ROBO1: variants seen among roughly 807,000 people sequenced by gnomAD.
The protein encoded by ROBO1 is roundabout homolog 1.
A neutral mutation model predicts 195.9 loss-of-function variants in ROBO1; 149 were observed. That is an observed-to-expected ratio of 0.76 (90% CI 0.67 to 0.87). The LOEUF (loss-of-function observed/expected upper bound fraction) is 0.87, where lower values mean the gene tolerates loss of function less well. Ranked by LOEUF, ROBO1 falls within the 40% of genes least tolerant of loss-of-function variation. The pLI is 0.00. For synonymous variants in ROBO1, 816 were observed against 733.2 expected (o/e 1.11, Z -1.82); for missense variants, 1,933 against 2,068.3 (o/e 0.93, Z 1.27).
intron 2 of ROBO1, among the ~76,000 whole-genome samples, chr3:79,424,125 C>T (rs1352879474): frequency 1.3e-5 from 2 of 152,022 alleles, no homozygotes; most frequent in African/African-American, 4.8e-5. Flanking sequence ...GGTAAAGATA[C>T]GGTGCCTGAA....
chr3:79,163,920 T>C (rs749438470), intron 2 of ROBO1, among the ~76,000 whole-genome samples: 5 of 152,140 alleles, frequency 3.3e-5, no homozygotes, highest in African/African-American at 4.8e-5. Flanking sequence ...TTTTCAGATT[T>C]CCACATTTTT....
intron 2 of ROBO1, among the ~76,000 whole-genome samples, chr3:79,475,014 C>T (rs1938476678): frequency 6.6e-6 from 1 of 151,876 alleles, no homozygotes; most frequent in Non-Finnish European, 1.5e-5. Flanking sequence ...AAGGATACAT[C>T]TTATATTTGA....
At chr3:78,682,676 C>T (rs1204531770) in intron 10 of ROBO1, among the ~76,000 whole-genome samples, 1 of 145,258 alleles carries the variant, frequency 6.9e-6, no homozygotes, top group East Asian at 2.0e-4. Flanking sequence ...CGTATATATA[C>T]ACGTATATAT....
At chr3:78,603,432 A>G (rs918375026) in intron 29 of ROBO1, among the ~76,000 whole-genome samples, 1 of 152,178 alleles carries the variant, frequency 6.6e-6, no homozygotes, top group African/African-American at 2.4e-5. Flanking sequence ...ACACAAAAAT[A>G]TCTATGAATT....
At chr3:79,275,327 T>C (rs912968282) in intron 2 of ROBO1, among the ~76,000 whole-genome samples, 6 of 151,914 alleles carry the variant, frequency 3.9e-5, no homozygotes, top group Admixed American at 6.6e-5. Flanking sequence ...TGGCTTAACA[T>C]ATACAATTCA....
chr3:79,469,928 A>C (rs1938175427), intron 2 of ROBO1, among the ~76,000 whole-genome samples: 1 of 152,212 alleles, frequency 6.6e-6, no homozygotes, highest in African/African-American at 2.4e-5. Flanking sequence ...ACATCCATAT[A>C]AAGTATCCAG....
chr3:79,019,006 G>T (rs2078032718), intron 3 of ROBO1: 1 of 990,202 alleles, frequency 1.0e-6, no homozygotes, highest in Non-Finnish European at 1.2e-6. Context: ...AAGGGCTCGG[G>T]GTGCCGGGAG....
intron 4 of ROBO1, among the ~76,000 whole-genome samples, chr3:78,809,035 G>T (rs143471450): frequency 0.014 from 2,162 of 152,114 alleles, 51 homozygotes; most frequent in African/African-American, 0.047. Flanking sequence ...CACAGTAAAA[G>T]AAACTACCAT....
chr3:79,404,307 C>T (rs2037467310), intron 2 of ROBO1, among the ~76,000 whole-genome samples: 1 of 152,026 alleles, frequency 6.6e-6, no homozygotes, highest in African/African-American at 2.4e-5. Context: ...TCTGCTGCAG[C>T]TTTAAGTTGT....
intron 2 of ROBO1, among the ~76,000 whole-genome samples, chr3:79,539,531 A>G (rs1016769420): frequency 6.6e-6 from 1 of 152,122 alleles, no homozygotes; most frequent in African/African-American, 2.4e-5. Flanking sequence ...ATATTGAAAC[A>G]TGCATATGAA....
rs139620448 is a variant in ROBO1 at position 78,648,530 on chromosome 3, G to C, written c.2813-875C>G. 6.2e-3 allele frequency among the ~76,000 whole-genome samples: 945 copies of C among 151,930 alleles called. 6 individuals carry two copies. The highest frequency in any genetic ancestry group is 0.022 in the African/African-American group (902 of 41,460). On this transcript the variant is annotated intron_variant, in intron 19 of 30. Coordinates refer to ENST00000464233, the MANE Select transcript of ROBO1 (RefSeq NM_002941.4). ...TGAAATTGAACCGCAGACCTCAAAA[G>C]TAGCAGCCATTCCTCCCCCACTTTT...
chr3:78,920,465 C>T (rs754696542), intron 4 of ROBO1, among the ~76,000 whole-genome samples: 5 of 151,686 alleles, frequency 3.3e-5, no homozygotes, highest in African/African-American at 7.3e-5. Context: ...CCACCACGCA[C>T]GGCTAACTTT....
intron 1 of ROBO1, among the ~76,000 whole-genome samples, chr3:79,627,950 T>C (rs1425841695): frequency 3.9e-5 from 6 of 151,980 alleles, no homozygotes; most frequent in African/African-American, 9.7e-5. Context: ...TGAGATACTG[T>C]CTCACACTGT....
intron 2 of ROBO1, among the ~76,000 whole-genome samples, chr3:79,263,035 C>A (rs79795378): frequency 0.032 from 4,884 of 151,966 alleles, 234 homozygotes; most frequent in African/African-American, 0.11. Flanking sequence ...TTACATAGGC[C>A]CTCAACTTTG....
chr3:79,544,473 CTAGA>C (rs909783435), intron 2 of ROBO1, among the ~76,000 whole-genome samples: 43 of 151,916 alleles, frequency 2.8e-4, no homozygotes, highest in African/African-American at 8.0e-4. Context: ...TTGAAACTAA[CTAGA>C]TAAAGTGTTT....
intron 7 of ROBO1, 39 bp downstream of exon 7, chr3:78,717,236 C>A: frequency 1.3e-6 from 2 of 1,514,472 alleles, no homozygotes; most frequent in Non-Finnish European, 1.8e-6. Flanking sequence ...CGTAGAAATG[C>A]TGAGTTGACA....
chr3:79,404,604 C>T (rs1273013931), intron 2 of ROBO1, among the ~76,000 whole-genome samples: 2 of 152,046 alleles, frequency 1.3e-5, no homozygotes, highest in African/African-American at 4.8e-5. Flanking sequence ...CGATTTGGTG[C>T]CATGCACTGA....
intron 2 of ROBO1, among the ~76,000 whole-genome samples, chr3:79,534,206 GAAAA>G (rs963276224): frequency 2.2e-5 from 2 of 90,188 alleles, no homozygotes; most frequent in African/African-American, 8.3e-5. Flanking sequence ...ATCCAGAAAA[GAAAA>G]ACAGTCCTGC....
chr3:79,433,784 C>T (rs561806281), intron 2 of ROBO1, among the ~76,000 whole-genome samples: 10 of 152,270 alleles, frequency 6.6e-5, no homozygotes, highest in Non-Finnish European at 1.2e-4. Context: ...AGGCATCACG[C>T]TATCTGACTT....
Sources: gnomAD v4.1 joint callset for allele counts (sites outside exome capture counted in the v4.1 genomes callset) on GRCh38, gnomAD v4.1.1 for gene constraint, MANE v1.5 for transcripts, NCBI Gene and HGNC (gene_info 2026-07-23, HGNC 2026-07-21) for gene names.